Variants in BMPER observed in about 807,000 individuals in gnomAD.
The protein encoded by BMPER is BMP-binding endothelial regulator protein.
A neutral mutation model predicts 87.3 loss-of-function variants in BMPER; 45 were observed. That is an observed-to-expected ratio of 0.52 (90% CI 0.41 to 0.66). The LOEUF (loss-of-function observed/expected upper bound fraction) is 0.66, where lower values mean the gene tolerates loss of function less well. Among genes scored for constraint, BMPER ranks in the 30% least tolerant of loss-of-function variants. The pLI is 0.00. For synonymous variants in BMPER, 326 were observed against 316.2 expected (o/e 1.03, Z -0.33); for missense variants, 784 against 867.5 (o/e 0.90, Z 1.21).
At chr7:34,120,247 A>G (rs929742260) in intron 13 of BMPER, among the ~76,000 whole-genome samples, 2 of 152,206 alleles carry the variant, frequency 1.3e-5, no homozygotes, top group East Asian at 1.9e-4. Flanking sequence ...ACATTTATCA[A>G]TGACTACATG....
At chr7:34,112,562 G>GT (rs1440558960) in intron 13 of BMPER, among the ~76,000 whole-genome samples, 1 of 145,512 alleles carries the variant, frequency 6.9e-6, no homozygotes, top group African/African-American at 2.5e-5. Flanking sequence ...CAGAGAACTG[G>GT]TTTTTTCATT....
intron 3 of BMPER, among the ~76,000 whole-genome samples, chr7:33,964,994 A>G (rs1020208537): frequency 6.6e-6 from 1 of 152,182 alleles, no homozygotes. Flanking sequence ...AGACATGCAC[A>G]TGGCACGTCT....
At chr7:33,907,000 T>G in intron 2 of BMPER, 97 bp downstream of exon 2, 3 of 1,192,638 alleles carry the variant, frequency 2.5e-6, no homozygotes, top group East Asian at 2.4e-5. Flanking sequence ...CAAATTGTCT[T>G]TATCATTACA....
At chr7:34,119,014 T>TCTCTCTCTCTCTCA (rs66493349) in intron 13 of BMPER, among the ~76,000 whole-genome samples, 2 of 135,712 alleles carry the variant, frequency 1.5e-5, no homozygotes, top group African/African-American at 5.3e-5. Flanking sequence ...TCTCTCTCTC[T>TCTCTCTCTCTCTCA]CACACACACA....
intron 3 of BMPER, among the ~76,000 whole-genome samples, chr7:33,959,186 T>C (rs1785213743): frequency 1.3e-5 from 2 of 152,202 alleles, no homozygotes; most frequent in African/African-American, 4.8e-5. Context: ...ATACAAGTGC[T>C]TTTATGAGAA....
chr7:34,150,520 T>C (rs1791144064), intron 14 of BMPER, among the ~76,000 whole-genome samples: 1 of 152,204 alleles, frequency 6.6e-6, no homozygotes, highest in Non-Finnish European at 1.5e-5. Flanking sequence ...AACACATGAA[T>C]ACAATTACTC....
chr7:33,918,043 A>G (rs562436935), intron 2 of BMPER, among the ~76,000 whole-genome samples: 4 of 152,114 alleles, frequency 2.6e-5, no homozygotes, highest in Non-Finnish European at 4.4e-5. Flanking sequence ...GGGTCTCACT[A>G]TCACCAGGGC....
At chr7:33,950,248 C>T (rs1484314135) in intron 3 of BMPER, among the ~76,000 whole-genome samples, 1 of 152,130 alleles carries the variant, frequency 6.6e-6, no homozygotes, top group Non-Finnish European at 1.5e-5. Context: ...GTTCTGGTCT[C>T]CCTGATGTCT....
intron 13 of BMPER, among the ~76,000 whole-genome samples, chr7:34,097,149 A>G (rs1340273783): frequency 6.6e-6 from 1 of 152,228 alleles, no homozygotes; most frequent in Non-Finnish European, 1.5e-5. Context: ...CTAGGCCAAA[A>G]CCAAAAGCAT....
chr7:34,027,709 G>A (rs1418527929), intron 6 of BMPER, among the ~76,000 whole-genome samples: 1 of 152,052 alleles, frequency 6.6e-6, no homozygotes, highest in African/African-American at 2.4e-5. Context: ...AAATGAGCAT[G>A]TCATTTCAAG....
In BMPER at chr7:34,153,579, C is replaced by T. The variant is rs1458626427; in HGVS notation, c.*306C>T. 6.3e-6 allele frequency: 2 copies of T among 317,930 alleles called. No individual in the cohort carries two copies. Among genetic ancestry groups the T allele is most frequent in the East Asian group, 1.4e-4 (2 of 14,624 alleles). The allele number at this position is 317,930 out of a possible 1,614,324, so 19.7% of individuals were successfully genotyped here. ...AATTTAATAAGGTGGCATGCAGATA[C>T]ATTGGATAGTGTTAACATCACATAC... On this transcript the variant is annotated 3_prime_UTR_variant, in exon 15 of 15. Coordinates refer to ENST00000649409, the MANE Select transcript of BMPER (RefSeq NM_001365308.1).
chr7:34,088,148 T>C (rs1313449302), intron 13 of BMPER, among the ~76,000 whole-genome samples: 1 of 152,150 alleles, frequency 6.6e-6, no homozygotes, highest in Non-Finnish European at 1.5e-5. Context: ...TCCTTGTGCA[T>C]GGAGATTTAG....
At chr7:34,061,302 C>T (rs1238013629) in intron 10 of BMPER, among the ~76,000 whole-genome samples, 3 of 152,172 alleles carry the variant, frequency 2.0e-5, no homozygotes, top group African/African-American at 7.2e-5. Context: ...GAGAATACGT[C>T]ACCTCCTTTA....
intron 6 of BMPER, among the ~76,000 whole-genome samples, chr7:33,986,354 G>A (rs1276783244): frequency 6.6e-6 from 1 of 152,190 alleles, no homozygotes. Context: ...AGTAGACAGG[G>A]ATAATGTACC....
chr7:34,048,481 G>GT (rs2127958993), intron 7 of BMPER, among the ~76,000 whole-genome samples: 1 of 152,304 alleles, frequency 6.6e-6, no homozygotes, highest in East Asian at 1.9e-4. Flanking sequence ...GTGTGTCAGT[G>GT]TCCCTGGGAT....
intron 2 of BMPER, among the ~76,000 whole-genome samples, chr7:33,929,090 G>A (rs1228606035): frequency 6.6e-6 from 1 of 152,094 alleles, no homozygotes; most frequent in South Asian, 2.1e-4. Flanking sequence ...TTAAATGTTC[G>A]GGCTTCAAGG....
intron 13 of BMPER, among the ~76,000 whole-genome samples, chr7:34,137,530 C>T (rs741305): frequency 0.15 from 23,188 of 152,192 alleles, 2,138 homozygotes; most frequent in Non-Finnish European, 0.2. Flanking sequence ...CAGTCCTTGT[C>T]CCCCGGAAAG....
chr7:34,017,291 G>A (rs185548341), intron 6 of BMPER, among the ~76,000 whole-genome samples: 11 of 151,860 alleles, frequency 7.2e-5, no homozygotes, highest in Middle Eastern at 3.4e-3. Context: ...AGACACACCC[G>A]AGACTGGGTA....
chr7:34,122,705 G>A (rs913203196), intron 13 of BMPER, among the ~76,000 whole-genome samples: 3 of 152,204 alleles, frequency 2.0e-5, no homozygotes, highest in Non-Finnish European at 2.9e-5. Context: ...AAGGACAATC[G>A]TGAGTCAAAG....
Sources: allele counts gnomAD v4.1 joint callset (sites outside exome capture counted in the v4.1 genomes callset), GRCh38; gene constraint gnomAD v4.1.1; transcripts MANE v1.5; gene names NCBI Gene and HGNC (gene_info 2026-07-23, HGNC 2026-07-21).